CNTN5: variants seen among roughly 807,000 people sequenced by gnomAD.
The protein encoded by CNTN5 is contactin-5.
A neutral mutation model predicts 129.1 loss-of-function variants in CNTN5; 77 were observed. That is an observed-to-expected ratio of 0.60 (90% confidence interval 0.50 to 0.72). CNTN5 has a LOEUF of 0.72. Among genes scored for constraint, CNTN5 ranks in the 30% least tolerant of loss-of-function variants. The probability of loss-of-function intolerance (pLI) is 0.00; values close to 1 mark genes in which losing one functional copy is unlikely to be tolerated. For synonymous variants in CNTN5, 509 were observed against 465.6 expected, an observed-to-expected ratio of 1.09 and a Z score of -1.20; for missense variants, 1,478 against 1,328.8, an observed-to-expected ratio of 1.11 and a Z score of -1.75.
At chr11:99,495,433 A>G (rs1166641859) in intron 2 of CNTN5, among the ~76,000 whole-genome samples, 1 of 152,214 alleles carries the variant, frequency 6.6e-6, no homozygotes, top group South Asian at 2.1e-4. Flanking sequence ...TGCCGTGTAC[A>G]TATCTTATGA....
At chr11:100,351,883 G>A in intron 24 of CNTN5, among the ~76,000 whole-genome samples, 1 of 151,456 alleles carries the variant, frequency 6.6e-6, no homozygotes, top group East Asian at 1.9e-4. Flanking sequence ...TCAACTTGAA[G>A]TCAGACCAGA....
chr11:100,180,250 C>T (rs1948097434), intron 13 of CNTN5, among the ~76,000 whole-genome samples: 1 of 151,960 alleles, frequency 6.6e-6, no homozygotes, highest in African/African-American at 2.4e-5. Context: ...CTGTGTAATG[C>T]TGGTGCAGGA....
At chr11:100,092,180 TAACTA>T (rs1387795566) in intron 13 of CNTN5, among the ~76,000 whole-genome samples, 3 of 152,146 alleles carry the variant, frequency 2.0e-5, no homozygotes, top group Admixed American at 2.0e-4. Context: ...TTAAGAATAT[TAACTA>T]AGCTGAGTTG....
chr11:99,974,369 A>T (rs1229562086), intron 8 of CNTN5, among the ~76,000 whole-genome samples: 1 of 152,194 alleles, frequency 6.6e-6, no homozygotes, highest in Non-Finnish European at 1.5e-5. Context: ...CTACAGATCT[A>T]ACTCACGGTG....
At chr11:99,515,934 T>C (rs548972301) in intron 2 of CNTN5, among the ~76,000 whole-genome samples, 23 of 136,504 alleles carry the variant, frequency 1.7e-4, no homozygotes, top group African/African-American at 5.6e-4. Context: ...TAAATGTTTA[T>C]TTATATAATT....
At chr11:100,120,913 T>C (rs1427206240) in intron 13 of CNTN5, among the ~76,000 whole-genome samples, 2 of 151,994 alleles carry the variant, frequency 1.3e-5, no homozygotes, top group East Asian at 3.9e-4. Flanking sequence ...CGATAGACTA[T>C]CATTCAGCAT....
At chr11:99,340,766 A>G (rs796426322) in intron 2 of CNTN5, among the ~76,000 whole-genome samples, 40 of 152,334 alleles carry the variant, frequency 2.6e-4, no homozygotes, top group African/African-American at 8.2e-4. Flanking sequence ...CATAAAAATA[A>G]TTCTATAAAA....
chr11:99,201,043 T>C (rs1859152283), intron 1 of CNTN5, among the ~76,000 whole-genome samples: 1 of 145,308 alleles, frequency 6.9e-6, no homozygotes, highest in South Asian at 2.3e-4. Flanking sequence ...TTTTTTTTTT[T>C]TTCCAGAGTC....
chr11:99,877,756 G>A (rs1466078307), intron 6 of CNTN5, among the ~76,000 whole-genome samples: 1 of 152,164 alleles, frequency 6.6e-6, no homozygotes, highest in Non-Finnish European at 1.5e-5. Context: ...TGCATTATAG[G>A]TTTTCAATCA....
At chr11:99,700,205 T>C (rs1442435218) in intron 3 of CNTN5, among the ~76,000 whole-genome samples, 1 of 151,460 alleles carries the variant, frequency 6.6e-6, no homozygotes, top group Non-Finnish European at 1.5e-5. Flanking sequence ...GGAGCAAGTT[T>C]TCTTTGGGAC....
chr11:99,127,096 G>A (rs890925591), intron 1 of CNTN5, among the ~76,000 whole-genome samples: 11 of 151,854 alleles, frequency 7.2e-5, no homozygotes, highest in Non-Finnish European at 1.0e-4. Flanking sequence ...ATAGTTCATG[G>A]TCTGTTTCAT....
chr11:100,123,803 T>C (rs1285863627), intron 13 of CNTN5, among the ~76,000 whole-genome samples: 1 of 152,024 alleles, frequency 6.6e-6, no homozygotes, highest in Non-Finnish European at 1.5e-5. Context: ...AATATTACTA[T>C]AAAATTGAGT....
chr11:99,623,906 C>T (rs1160937315), intron 3 of CNTN5, among the ~76,000 whole-genome samples: 7 of 152,038 alleles, frequency 4.6e-5, no homozygotes, highest in African/African-American at 1.7e-4. Context: ...CTGTAGTTCT[C>T]ATTTAAAAAT....
At chr11:100,181,616 T>C (rs1016018493) in intron 13 of CNTN5, among the ~76,000 whole-genome samples, 59 of 151,934 alleles carry the variant, frequency 3.9e-4, no homozygotes, top group African/African-American at 1.4e-3. Flanking sequence ...CGTATAAAAA[T>C]ATCAATATGC....
intron 7 of CNTN5, among the ~76,000 whole-genome samples, chr11:99,942,982 C>G (rs1950474230): frequency 6.6e-6 from 1 of 151,978 alleles, no homozygotes; most frequent in Non-Finnish European, 1.5e-5. Flanking sequence ...CAAGTCTTTG[C>G]TATTGTAAAC....
In CNTN5 at chr11:99,703,844, C is replaced by T. The variant is rs140540217; in HGVS notation, c.56-115700C>T. Among the ~76,000 whole-genome samples, 52 of 150,822 alleles carry T rather than the reference C, an allele frequency of 3.4e-4. No individual in the cohort carries two copies. In the Middle Eastern group the frequency reaches 0.01, roughly 30 times the overall value. On this transcript the variant is annotated intron_variant, in intron 3 of 24. Transcript: ENST00000524871. Reference sequence around the variant, plus strand: ...TTCAACTATCATTAGATCCAAACAACGTTGAAATTTCGTTGCTAGAAATTA... The same window carrying T: ...TTCAACTATCATTAGATCCAAACAATGTTGAAATTTCGTTGCTAGAAATTA...
At chr11:99,141,694 T>C (rs551004763) in intron 1 of CNTN5, among the ~76,000 whole-genome samples, 1 of 152,184 alleles carries the variant, frequency 6.6e-6, no homozygotes, top group Non-Finnish European at 1.5e-5. Flanking sequence ...GTATGTTGTA[T>C]CTTTTTTCTC....
At chr11:99,183,973 A>T (rs1478908431) in intron 1 of CNTN5, among the ~76,000 whole-genome samples, 4 of 152,112 alleles carry the variant, frequency 2.6e-5, no homozygotes, top group Admixed American at 6.6e-5. Context: ...ATGAATGAAG[A>T]CTTACAAATT....
At chr11:99,323,683 C>A (rs1865664333) in intron 1 of CNTN5, among the ~76,000 whole-genome samples, 1 of 151,790 alleles carries the variant, frequency 6.6e-6, no homozygotes. Flanking sequence ...AATGACAATC[C>A]AAGATGAAAA....
Sources: allele counts gnomAD v4.1 joint callset (sites outside exome capture counted in the v4.1 genomes callset), GRCh38; gene constraint gnomAD v4.1.1; transcripts MANE v1.5; gene names NCBI Gene and HGNC (gene_info 2026-07-23, HGNC 2026-07-21).